DGKB: variants seen among roughly 807,000 people sequenced by gnomAD.
The protein encoded by DGKB is 90 kDa diacylglycerol kinase.
DGKB carries 67 observed loss-of-function variants against 114.3 expected under a neutral mutation model. The observed-to-expected ratio is 0.59, with a 90% CI of 0.48 to 0.72. The LOEUF (loss-of-function observed/expected upper bound fraction) is 0.72, where lower values mean the gene tolerates loss of function less well. Ranked by LOEUF, DGKB falls within the 30% of genes least tolerant of loss-of-function variation. The pLI, the probability that DGKB is intolerant of heterozygous loss-of-function variation, is 0.00. For missense variants in DGKB, 907 were observed against 975.2 expected (o/e 0.93, Z 0.93); for synonymous variants, 398 against 323.1 (o/e 1.23, Z -2.49).
At chr7:14,643,509 T>A (rs1812251923) in intron 13 of DGKB, among the ~76,000 whole-genome samples, 1 of 152,112 alleles carries the variant, frequency 6.6e-6, no homozygotes, top group Non-Finnish European at 1.5e-5. Flanking sequence ...CCACTGATAT[T>A]CCCCTACATC....
At chr7:14,678,365 T>C (rs1027998771) in intron 12 of DGKB, among the ~76,000 whole-genome samples, 3 of 152,034 alleles carry the variant, frequency 2.0e-5, no homozygotes, top group Non-Finnish European at 4.4e-5. Context: ...TATATTAGCG[T>C]CAAGAAAAAT....
intron 18 of DGKB, among the ~76,000 whole-genome samples, chr7:14,581,714 G>C (rs924568766): frequency 6.6e-6 from 1 of 152,118 alleles, no homozygotes; most frequent in Non-Finnish European, 1.5e-5. Flanking sequence ...TATGTGTGTA[G>C]GGATAGAGGG....
chr7:14,292,225 G>T (rs1354163795), intron 23 of DGKB, among the ~76,000 whole-genome samples: 1 of 151,940 alleles, frequency 6.6e-6, no homozygotes, highest in Non-Finnish European at 1.5e-5. Flanking sequence ...TCTCATTTAC[G>T]CGTTTTCATC....
At chr7:14,314,757 G>A (rs1369291407) in intron 23 of DGKB, among the ~76,000 whole-genome samples, 6 of 151,382 alleles carry the variant, frequency 4.0e-5, no homozygotes, top group East Asian at 2.0e-4. Context: ...GCAGGCCAAC[G>A]TTCAGATTCA....
intron 21 of DGKB, among the ~76,000 whole-genome samples, chr7:14,362,321 A>C (rs969465222): frequency 6.6e-6 from 1 of 152,060 alleles, no homozygotes; most frequent in African/African-American, 2.4e-5. Flanking sequence ...CATTTCTCTA[A>C]AAATTTGGAA....
chr7:14,899,297 C>G (rs1209273125), intron 1 of DGKB, among the ~76,000 whole-genome samples: 1 of 152,114 alleles, frequency 6.6e-6, no homozygotes, highest in Non-Finnish European at 1.5e-5. Context: ...TTCTCCGCCA[C>G]TTGTCTTTGA....
chr7:14,432,056 G>A (rs572585699), intron 21 of DGKB, among the ~76,000 whole-genome samples: 20 of 152,186 alleles, frequency 1.3e-4, no homozygotes, highest in South Asian at 4.1e-4. Context: ...ATGTTGTCTC[G>A]TCTCCTAATA....
At chr7:14,499,738 C>T (rs541045413) in intron 20 of DGKB, among the ~76,000 whole-genome samples, 4 of 151,846 alleles carry the variant, frequency 2.6e-5, no homozygotes, top group South Asian at 2.1e-4. Flanking sequence ...CATAAACTAA[C>T]GTTAATATCA....
chr7:14,233,545 C>T (rs886626886), intron 23 of DGKB, among the ~76,000 whole-genome samples: 5 of 151,964 alleles, frequency 3.3e-5, no homozygotes, highest in African/African-American at 4.8e-5. Flanking sequence ...CTTAGTCAGA[C>T]GTGCTGTGAA....
chr7:14,522,814 T>C (rs2128569942), intron 20 of DGKB, among the ~76,000 whole-genome samples: 1 of 152,318 alleles, frequency 6.6e-6, no homozygotes, highest in African/African-American at 2.4e-5. Context: ...ATGCCTTCCA[T>C]TGACTTTCGA....
chr7:14,783,896 T>C (rs1186293464), intron 2 of DGKB, among the ~76,000 whole-genome samples: 1 of 152,150 alleles, frequency 6.6e-6, no homozygotes, highest in Non-Finnish European at 1.5e-5. Flanking sequence ...TTCACACACA[T>C]AAAAGAATAA....
chr7:14,495,133 T>C (rs528140302), intron 20 of DGKB, among the ~76,000 whole-genome samples: 68 of 151,966 alleles, frequency 4.5e-4, no homozygotes, highest in African/African-American at 1.5e-3. Context: ...CACTAATCAG[T>C]GGCACCACTG....
At chr7:14,718,811 A>C (rs1174893291) in intron 5 of DGKB, 126 bp from the exon 6 acceptor site, 1 of 686,192 alleles carries the variant, frequency 1.5e-6, no homozygotes, top group African/African-American at 1.8e-5. Context: ...TAGAATAACC[A>C]AATTCTCTGT....
At chr7:14,251,532 A>T (rs1161863125) in intron 23 of DGKB, among the ~76,000 whole-genome samples, 1 of 152,174 alleles carries the variant, frequency 6.6e-6, no homozygotes. Context: ...AAAATAATTT[A>T]TATACTATCA....
intron 15 of DGKB, among the ~76,000 whole-genome samples, chr7:14,615,599 G>T (rs1806365044): frequency 6.6e-6 from 1 of 151,706 alleles, no homozygotes; most frequent in African/African-American, 2.4e-5. Flanking sequence ...AAAAATCAGA[G>T]AATTTAAAGA....
chr7:14,569,909 T>C (rs1007430015), intron 20 of DGKB, among the ~76,000 whole-genome samples: 5 of 151,682 alleles, frequency 3.3e-5, no homozygotes, highest in African/African-American at 4.8e-5. Context: ...ATATAGGTCA[T>C]GTGTATTTTT....
At chr7:14,158,248 C>T (rs1041679039) in intron 25 of DGKB, among the ~76,000 whole-genome samples, 8 of 152,208 alleles carry the variant, frequency 5.3e-5, no homozygotes, top group African/African-American at 9.7e-5. Flanking sequence ...CCTCTTCTAT[C>T]TGAGACAACA....
chr7:14,533,127 A>C (rs924704440), intron 20 of DGKB, among the ~76,000 whole-genome samples: 1 of 151,878 alleles, frequency 6.6e-6, no homozygotes. Flanking sequence ...ATAGACAACT[A>C]AACAACTGAC....
chr7:14,241,678 C>T (rs1171594834), intron 23 of DGKB, among the ~76,000 whole-genome samples: 1 of 151,876 alleles, frequency 6.6e-6, no homozygotes, highest in Non-Finnish European at 1.5e-5. Flanking sequence ...ATTTATTTCC[C>T]TAAACCCCAG....
Sources: allele counts gnomAD v4.1 joint callset (sites outside exome capture counted in the v4.1 genomes callset), GRCh38; gene constraint gnomAD v4.1.1; transcripts MANE v1.5; gene names NCBI Gene and HGNC (gene_info 2026-07-23, HGNC 2026-07-21).